Variants in MED12L observed in about 807,000 individuals in gnomAD.
MED12L encodes mediator complex subunit 12L.
MED12L carries 60 observed loss-of-function variants against 281.3 expected under a neutral mutation model. The observed-to-expected ratio is 0.21, with a 90% CI of 0.17 to 0.26. MED12L has a LOEUF of 0.26. Ranked by LOEUF, MED12L falls within the 10% of genes least tolerant of loss-of-function variation. The probability of loss-of-function intolerance (pLI) is 1.00; values close to 1 mark genes in which losing one functional copy is unlikely to be tolerated. For missense variants in MED12L, 2,146 were observed against 2,680.9 expected (o/e 0.80, Z 4.41); for synonymous variants, 974 against 987.2 (o/e 0.99, Z 0.25).
At chr3:151,383,668 G>A in intron 33 of MED12L, 111 bp from the exon 34 acceptor site, 1 of 651,058 alleles carries the variant, frequency 1.5e-6, no homozygotes, top group South Asian at 2.1e-5. Flanking sequence ...ATAAACTAGA[G>A]CATCCCTTGT....
chr3:151,205,178 G>A (rs1214929628), intron 16 of MED12L, among the ~76,000 whole-genome samples: 1 of 152,122 alleles, frequency 6.6e-6, no homozygotes, highest in African/African-American at 2.4e-5. Flanking sequence ...ACAAGTGTTT[G>A]TGACTGTACT....
intron 16 of MED12L, among the ~76,000 whole-genome samples, chr3:151,221,608 G>A (rs1392592784): frequency 6.6e-6 from 1 of 152,204 alleles, no homozygotes; most frequent in African/African-American, 2.4e-5. Flanking sequence ...GAGGGTGCAA[G>A]CCTCAAGCCT....
intron 16 of MED12L, among the ~76,000 whole-genome samples, chr3:151,332,515 A>G (rs1056769423): frequency 3.3e-5 from 5 of 152,350 alleles, no homozygotes; most frequent in East Asian, 1.9e-4. Flanking sequence ...AGTAAGAACA[A>G]TAGTAGAAAA....
At chr3:151,416,812 A>C (rs1297514328) in intron 43 of MED12L, among the ~76,000 whole-genome samples, 1 of 152,216 alleles carries the variant, frequency 6.6e-6, no homozygotes, top group African/African-American at 2.4e-5. Context: ...ACTTTCTAAA[A>C]TATTATCTAT....
rs1719829258 is a variant in MED12L at position 151,434,130 on chromosome 3, A to C, written c.*1326A>C. 6.6e-6 allele frequency: 1 copy of C among 152,264 alleles called. No individual in the cohort carries two copies. The highest frequency in any genetic ancestry group is 1.5e-5 in the Non-Finnish European group (1 of 68,014). 9.4% of individuals were successfully genotyped at this position (152,264 alleles called of 1,614,324 possible). A position where few individuals can be genotyped will look rare whatever the true frequency, so the allele number is the denominator to read the frequency against. On this transcript the variant is annotated 3_prime_UTR_variant, in exon 45 of 45. Coordinates refer to ENST00000687756, the MANE Select transcript of MED12L (RefSeq NM_001393769.1). ...GGGATATTTTCCCATGTTCTCTGTT[A>C]TTTCATTTTCTTTTGCCATATGATT...
chr3:151,282,793 A>G (rs1742988920), intron 16 of MED12L, among the ~76,000 whole-genome samples: 1 of 152,202 alleles, frequency 6.6e-6, no homozygotes, highest in Admixed American at 6.5e-5. Flanking sequence ...GTGTGCTGTA[A>G]AGTTTTTGAG....
At chr3:151,376,725 G>A (rs1756902459) in intron 28 of MED12L, 75 bp from the exon 29 acceptor site, 3 of 1,175,082 alleles carry the variant, frequency 2.6e-6, no homozygotes, top group Non-Finnish European at 3.8e-6. Context: ...CTTGAGAGAA[G>A]GAGTACTGTA....
chr3:151,152,212 A>T (rs1029264022), intron 5 of MED12L, among the ~76,000 whole-genome samples: 2 of 145,866 alleles, frequency 1.4e-5, no homozygotes, highest in Admixed American at 1.5e-4. Context: ...CGGCCTTCTG[A>T]CTTAAGCCTG....
chr3:151,329,506 T>C, intron 16 of MED12L: 1 of 1,548,420 alleles, frequency 6.5e-7, no homozygotes, highest in Non-Finnish European at 8.7e-7. Flanking sequence ...CAGTTCTCTC[T>C]GTCTTCTTAT....
chr3:151,405,172 A>G (rs1227928004), intron 39 of MED12L, among the ~76,000 whole-genome samples: 2 of 152,196 alleles, frequency 1.3e-5, no homozygotes, highest in Admixed American at 1.3e-4. Flanking sequence ...TTTTTTAAAA[A>G]TGGAAATTTT....
At chr3:151,087,113 C>T (rs1719342821) in intron 2 of MED12L, 88 bp downstream of exon 2, 2 of 1,101,362 alleles carry the variant, frequency 1.8e-6, no homozygotes, top group Non-Finnish European at 1.3e-6. Flanking sequence ...GCATCGCCGG[C>T]GCTGCGGTGG....
intron 26 of MED12L, among the ~76,000 whole-genome samples, chr3:151,370,282 G>A (rs1158554584): frequency 1.3e-5 from 2 of 151,992 alleles, no homozygotes; most frequent in East Asian, 1.9e-4. Flanking sequence ...TTCCAACTTT[G>A]GGTACCTTCT....
intron 39 of MED12L, among the ~76,000 whole-genome samples, chr3:151,406,186 C>T (rs1413490437): frequency 6.6e-6 from 1 of 152,164 alleles, no homozygotes. Context: ...TGGCCAAACC[C>T]ATGCCTACCA....
chr3:151,312,901 T>C (rs1747738824), intron 16 of MED12L, among the ~76,000 whole-genome samples: 1 of 152,198 alleles, frequency 6.6e-6, no homozygotes, highest in Non-Finnish European at 1.5e-5. Flanking sequence ...AGACCTTTTA[T>C]TCAAACTTGA....
In MED12L at chr3:151,328,535, A is replaced by T. The variant is rs780854560; in HGVS notation, c.2251-21524A>T. On this transcript the variant is annotated intron_variant, in intron 16 of 44. Coordinates refer to ENST00000687756, the MANE Select transcript of MED12L (RefSeq NM_001393769.1). ...GCTCAAGATCGTATTTGGCAGGGAG[A>T]TGAAGAACAAAAAGAACCAGATGAA... is the stretch of plus-strand genomic sequence containing the variant. 4 of 1,613,928 alleles carry T rather than the reference A, an allele frequency of 2.5e-6. No homozygotes were observed. The South Asian group carries it at 3.3e-5, about 13-fold the overall frequency.
Position 151,432,752 on chromosome 3 carries a change from G to A in MED12L, c.6491G>A (p.Ser2164Asn). ...TGGTTCAATTTATTTTTCTCCTTAGGCAACCAGCCACAGCAAGGAGTGACT... is the reference window on the plus strand; with the variant it reads ...TGGTTCAATTTATTTTTCTCCTTAGACAACCAGCCACAGCAAGGAGTGACT... ...LVRQLQKQLS[S>N]NQPQQGVTPY... is the part of the protein sequence containing the mutation. The change falls in exon 45 of 45, where the codon AGC becomes AAC. Residue 2164 changes from serine (S) to asparagine (N), a missense_variant and splice_region_variant. Transcript: ENST00000687756. The A allele has an allele frequency of 6.2e-7, 1 of 1,612,456 alleles. No individual in the cohort carries two copies. Among genetic ancestry groups the A allele is most frequent in the Non-Finnish European group, 8.5e-7 (1 of 1,179,128 alleles).
intron 5 of MED12L, among the ~76,000 whole-genome samples, chr3:151,139,217 T>C (rs1266713427): frequency 6.6e-6 from 1 of 152,200 alleles, no homozygotes; most frequent in Non-Finnish European, 1.5e-5. Context: ...AGTACTTTCT[T>C]CTTTTCTGGC....
At chr3:151,136,999 TA>T (rs1257216680) in intron 5 of MED12L, among the ~76,000 whole-genome samples, 2 of 151,758 alleles carry the variant, frequency 1.3e-5, no homozygotes, top group African/African-American at 2.4e-5. Flanking sequence ...CCATCTCTAC[TA>T]AAAATACAAA....
Position 151,091,347 on chromosome 3 carries a change from C to T in MED12L, c.99+4322C>T, listed in dbSNP as rs1720022189. ...CAACTTCAGAGGACATTCAGATTAC[C>T]CTGAAGGCTGGTTGAAACAGATTGC... is the stretch of plus-strand genomic sequence containing the variant. On this transcript the variant is annotated intron_variant, in intron 2 of 44. Coordinates refer to ENST00000687756, the MANE Select transcript of MED12L (RefSeq NM_001393769.1). Among the ~76,000 whole-genome samples, 3 of 152,022 alleles carry T rather than the reference C, an allele frequency of 2.0e-5. No homozygotes were observed. In the South Asian group the frequency reaches 6.2e-4, roughly 32 times the overall value.
Sources: gnomAD v4.1 joint callset for allele counts (sites outside exome capture counted in the v4.1 genomes callset) on GRCh38, gnomAD v4.1.1 for gene constraint, MANE v1.5 for transcripts, NCBI Gene and HGNC (gene_info 2026-07-23, HGNC 2026-07-21) for gene names.